Variants in PPARGC1A observed in about 807,000 individuals in gnomAD.
PPARGC1A encodes peroxisome proliferator-activated receptor gamma coactivator 1-alpha.
PPARGC1A carries 25 observed loss-of-function variants against 88.7 expected under a neutral mutation model. That is an observed-to-expected ratio of 0.28 (90% confidence interval 0.21 to 0.39). The LOEUF (loss-of-function observed/expected upper bound fraction) is 0.39. Among genes scored for constraint, PPARGC1A ranks in the 10% least tolerant of loss-of-function variants. PPARGC1A has a pLI of 1.00. For missense variants in PPARGC1A, 880 were observed against 968.7 expected, an observed-to-expected ratio of 0.91 and a Z score of 1.22; for synonymous variants, 363 against 355.6, an observed-to-expected ratio of 1.02 and a Z score of -0.24.
At chr4:24,335,242 A>T in the PPARGC1A span, among the ~76,000 whole-genome samples, 2 of 152,200 alleles carry the variant, frequency 1.3e-5, no homozygotes, top group Non-Finnish European at 2.9e-5. Context: ...ATAGCATGTC[A>T]TTGAGTCTTT....
At chr4:23,905,056 C>T (rs1450975472), upstream of PPARGC1A, among the ~76,000 whole-genome samples, 2 of 152,166 alleles carry the variant, frequency 1.3e-5, no homozygotes, top group Non-Finnish European at 2.9e-5. Context: ...AGGAGGTCAA[C>T]CCTTCTCAAA....
At chr4:24,314,599 ATTTC>A in the PPARGC1A span, among the ~76,000 whole-genome samples, 1 of 152,204 alleles carries the variant, frequency 6.6e-6, no homozygotes, top group Non-Finnish European at 1.5e-5. Flanking sequence ...AAGACAATCT[ATTTC>A]TTTAATTAAA....
chr4:24,012,611 T>G, the PPARGC1A span, among the ~76,000 whole-genome samples: 3 of 152,126 alleles, frequency 2.0e-5, no homozygotes, highest in Non-Finnish European at 4.4e-5. Context: ...CAGTCGTGGC[T>G]TACTCATCAG....
the PPARGC1A span, among the ~76,000 whole-genome samples, chr4:24,262,266 C>T: frequency 1.6e-4 from 25 of 152,144 alleles, no homozygotes; most frequent in South Asian, 3.9e-3. Context: ...TGCCTTTCAA[C>T]TACACTTTGC....
At chr4:24,073,176 G>A in the PPARGC1A span, among the ~76,000 whole-genome samples, 5 of 152,054 alleles carry the variant, frequency 3.3e-5, no homozygotes, top group Non-Finnish European at 7.4e-5. Flanking sequence ...CAAGTAGCTG[G>A]GACTACAGGC....
At chr4:23,948,501 C>A in the PPARGC1A span, among the ~76,000 whole-genome samples, 1 of 152,202 alleles carries the variant, frequency 6.6e-6, no homozygotes, top group Admixed American at 6.5e-5. Flanking sequence ...GAGAGAGGCT[C>A]AGCAACATGT....
chr4:24,235,243 A>G, the PPARGC1A span, among the ~76,000 whole-genome samples: 1 of 152,234 alleles, frequency 6.6e-6, no homozygotes, highest in Non-Finnish European at 1.5e-5. Context: ...AGACCTCAGT[A>G]AAAAACGTGG....
At chr4:24,437,359 G>A in the PPARGC1A span, among the ~76,000 whole-genome samples, 1 of 152,168 alleles carries the variant, frequency 6.6e-6, no homozygotes, top group Non-Finnish European at 1.5e-5. Context: ...CCAAGGAAAA[G>A]ACAGATAGCT....
the PPARGC1A span, among the ~76,000 whole-genome samples, chr4:24,425,789 G>C: frequency 6.6e-6 from 1 of 152,188 alleles, no homozygotes; most frequent in Non-Finnish European, 1.5e-5. Flanking sequence ...TTCAGGGAGA[G>C]AATTCACATC....
chr4:24,067,424 T>C, the PPARGC1A span, among the ~76,000 whole-genome samples: 1 of 152,256 alleles, frequency 6.6e-6, no homozygotes, highest in East Asian at 1.9e-4. Flanking sequence ...AAGGGACGCC[T>C]CTCTCAAATA....
intron 7 of PPARGC1A, among the ~76,000 whole-genome samples, chr4:23,815,838 A>T (rs1410633708): frequency 6.6e-6 from 1 of 152,178 alleles, no homozygotes. Flanking sequence ...AAGTCTGCTA[A>T]CAAGCCTGGG....
At chr4:24,125,562 T>TCC in the PPARGC1A span, among the ~76,000 whole-genome samples, 4 of 152,152 alleles carry the variant, frequency 2.6e-5, no homozygotes, top group Non-Finnish European at 5.9e-5. Flanking sequence ...AATGGAAAAC[T>TCC]CCACTCCTGC....
At position 23,824,522 on chromosome 4, in the gene PPARGC1A, A is replaced by AG; in HGVS notation, c.758-15_758-14insC. ...TTGTTGGTTTGGCTAAAGAAAAAAA[A>AG]AAGAAACTAATTATGTAATATTGAG... is the stretch of plus-strand genomic sequence containing the variant. On this transcript the variant is annotated splice_polypyrimidine_tract_variant and intron_variant, in intron 5 of 12. Transcript: ENST00000264867. The AG allele has an allele frequency of 1.3e-6, 2 of 1,579,708 alleles. No individual in the cohort carries two copies. The highest frequency in any genetic ancestry group is 1.7e-6 in the Non-Finnish European group (2 of 1,158,704).
chr4:23,823,217 T>C (rs1379545251), intron 7 of PPARGC1A, among the ~76,000 whole-genome samples: 1 of 151,830 alleles, frequency 6.6e-6, no homozygotes, highest in Non-Finnish European at 1.5e-5. Context: ...ATTATAAAAA[T>C]CTAGAAGAAT....
At chr4:23,869,116 C>T (rs1712703848) in intron 2 of PPARGC1A, among the ~76,000 whole-genome samples, 1 of 152,140 alleles carries the variant, frequency 6.6e-6, no homozygotes, top group Non-Finnish European at 1.5e-5. Context: ...TTAATCTAGT[C>T]ACTCAGGGAC....
At chr4:23,991,831 T>C in the PPARGC1A span, among the ~76,000 whole-genome samples, 1 of 151,842 alleles carries the variant, frequency 6.6e-6, no homozygotes, top group South Asian at 2.1e-4. Flanking sequence ...ATTTAACGTG[T>C]GATAAAGGTA....
At chr4:24,009,419 G>C in the PPARGC1A span, among the ~76,000 whole-genome samples, 208 of 152,210 alleles carry the variant, frequency 1.4e-3, no homozygotes, top group Non-Finnish European at 2.6e-3. Flanking sequence ...AGGGTTATGA[G>C]GCAATGTGAG....
chr4:24,259,053 G>C, the PPARGC1A span, among the ~76,000 whole-genome samples: 1 of 152,172 alleles, frequency 6.6e-6, no homozygotes, highest in Non-Finnish European at 1.5e-5. Flanking sequence ...AGATCTGATA[G>C]TTTCTAGACA....
chr4:24,271,463 C>T, the PPARGC1A span, among the ~76,000 whole-genome samples: 6 of 152,208 alleles, frequency 3.9e-5, no homozygotes, highest in Non-Finnish European at 5.9e-5. Flanking sequence ...CTGTAAGCTC[C>T]ACCACCCAGG....
Sources: gnomAD v4.1 joint callset for allele counts (sites outside exome capture counted in the v4.1 genomes callset) on GRCh38, gnomAD v4.1.1 for gene constraint, MANE v1.5 for transcripts, NCBI Gene and HGNC (gene_info 2026-07-23, HGNC 2026-07-21) for gene names.